SEC23B: variants seen among roughly 807,000 people sequenced by gnomAD.
SEC23B encodes the protein protein transport protein Sec23B.
In SEC23B, 77 loss-of-function variants were observed where a neutral mutation model predicts 104.3. The ratio of observed to expected loss-of-function variants is 0.74; its 90% CI spans 0.61 to 0.89. The LOEUF is 0.89. Among genes scored for constraint, SEC23B ranks in the 40% least tolerant of loss-of-function variants. The pLI is 0.00. For missense variants in SEC23B, 885 were observed against 949.4 expected, an observed-to-expected ratio of 0.93 and a Z score of 0.89; for synonymous variants, 338 against 332.5, an observed-to-expected ratio of 1.02 and a Z score of -0.18.
intron 1 of SEC23B, 106 bp downstream of exon 1, chr20:18,508,078 CT>C: frequency 6.6e-6 from 1 of 152,492 alleles, no homozygotes; most frequent in Non-Finnish European, 1.5e-5. Flanking sequence ...GGGAGGAGGC[CT>C]TTTCTTGACA....
chr20:18,531,976 T>C (rs1363139123), intron 10 of SEC23B, among the ~76,000 whole-genome samples: 1 of 152,158 alleles, frequency 6.6e-6, no homozygotes, highest in Non-Finnish European at 1.5e-5. Context: ...GAAAATCACA[T>C]GTGCCCAGGA....
chr20:18,537,534 A>G (rs2060244607), intron 12 of SEC23B, among the ~76,000 whole-genome samples: 1 of 152,074 alleles, frequency 6.6e-6, no homozygotes, highest in African/African-American at 2.4e-5. Context: ...GGAATTGGAC[A>G]TTGAGAACAC....
upstream of SEC23B, chr20:18,507,713 G>A (rs750775942): frequency 7.2e-5 from 11 of 152,434 alleles, no homozygotes; most frequent in Non-Finnish European, 1.3e-4. Flanking sequence ...ACGTTTAGGG[G>A]TGGGGAAACG....
At chr20:18,524,006 C>T (rs1953439216) in intron 4 of SEC23B, among the ~76,000 whole-genome samples, 1 of 152,142 alleles carries the variant, frequency 6.6e-6, no homozygotes, top group Non-Finnish European at 1.5e-5. Flanking sequence ...ATGAACCCGG[C>T]TCATATGCTA....
At chr20:18,529,718 G>A (rs1357576608) in intron 9 of SEC23B, among the ~76,000 whole-genome samples, 4 of 152,236 alleles carry the variant, frequency 2.6e-5, no homozygotes, top group African/African-American at 9.6e-5. Flanking sequence ...GAACGCACAT[G>A]CCAACAGAGG....
chr20:18,531,046 T>C (rs2060182644), intron 10 of SEC23B, among the ~76,000 whole-genome samples: 1 of 152,252 alleles, frequency 6.6e-6, no homozygotes, highest in African/African-American at 2.4e-5. Flanking sequence ...TAAAAGCCAA[T>C]TAAAAGGATC....
chr20:18,544,395 C>A (rs1314181031), intron 14 of SEC23B, among the ~76,000 whole-genome samples: 1 of 152,128 alleles, frequency 6.6e-6, no homozygotes, highest in African/African-American at 2.4e-5. Context: ...AGGTGGCTAA[C>A]AAAGACTTCC....
At chr20:18,520,608 G>A (rs6132072) in intron 4 of SEC23B, among the ~76,000 whole-genome samples, 19,028 of 152,072 alleles carry the variant, frequency 0.13, 1,296 homozygotes, top group Admixed American at 0.18. Flanking sequence ...CTAAAAAGGA[G>A]TGCATTAAAG....
intron 11 of SEC23B, among the ~76,000 whole-genome samples, chr20:18,533,945 T>C (rs980464181): frequency 5.9e-5 from 9 of 152,360 alleles, no homozygotes; most frequent in Middle Eastern, 6.8e-3. Flanking sequence ...AACTAATTAA[T>C]ATTTCTAGTA....
intron 9 of SEC23B, 96 bp downstream of exon 9, chr20:18,527,707 G>C: frequency 1.2e-6 from 1 of 851,834 alleles, no homozygotes; most frequent in Non-Finnish European, 2.1e-6. Context: ...GGCCAACTCA[G>C]AGAAGCTTTC....
intron 12 of SEC23B, among the ~76,000 whole-genome samples, chr20:18,541,392 T>G (rs2060286734): frequency 6.6e-6 from 1 of 152,276 alleles, no homozygotes; most frequent in Non-Finnish European, 1.5e-5. Context: ...TTGGCAGTTT[T>G]GGGGCAAAAG....
chr20:18,544,268 C>G (rs2060313369), intron 14 of SEC23B, among the ~76,000 whole-genome samples: 1 of 151,602 alleles, frequency 6.6e-6, no homozygotes, highest in Admixed American at 6.6e-5. Flanking sequence ...TTGTTCAGCC[C>G]TCTATTTGCC....
Sources: gnomAD v4.1 joint callset for allele counts (sites outside exome capture counted in the v4.1 genomes callset) on GRCh38, gnomAD v4.1.1 for gene constraint, MANE v1.5 for transcripts, NCBI Gene and HGNC (gene_info 2026-07-23, HGNC 2026-07-21) for gene names.